TRHDE: variants seen among roughly 807,000 people sequenced by gnomAD.
TRHDE encodes thyrotropin releasing hormone degrading enzyme, also known as thyrotropin-releasing hormone-degrading ectoenzyme.
In TRHDE, 72 loss-of-function variants were observed where a neutral mutation model predicts 125.7. The observed-to-expected ratio is 0.57, with a 90% CI of 0.47 to 0.70. The LOEUF is 0.70. TRHDE is among the 30% of genes least tolerant of loss of function. The probability of loss-of-function intolerance (pLI) is 0.00; values close to 1 mark genes in which losing one functional copy is unlikely to be tolerated. For missense variants in TRHDE, 1,110 were observed against 1,327.1 expected, an observed-to-expected ratio of 0.84 and a Z score of 2.54; for synonymous variants, 509 against 509.1, an observed-to-expected ratio of 1.00 and a Z score of 0.00.
intron 12 of TRHDE, among the ~76,000 whole-genome samples, chr12:72,614,766 AT>A (rs1872754990): frequency 6.6e-6 from 1 of 152,086 alleles, no homozygotes; most frequent in South Asian, 2.1e-4. Context: ...TAAATAGGTT[AT>A]TTTTCTATAC....
At chr12:72,458,499 C>T (rs953633731) in intron 3 of TRHDE, among the ~76,000 whole-genome samples, 1 of 152,076 alleles carries the variant, frequency 6.6e-6, no homozygotes, top group Non-Finnish European at 1.5e-5. Flanking sequence ...TAGCCCTCTT[C>T]TCTACTCAGC....
At chr12:72,316,583 T>A (rs974303388) in intron 2 of TRHDE, among the ~76,000 whole-genome samples, 1 of 152,190 alleles carries the variant, frequency 6.6e-6, no homozygotes, top group Non-Finnish European at 1.5e-5. Context: ...CTGTCCTGCC[T>A]TTTACCCCAT....
chr12:72,371,462 A>G (rs1382655407), intron 2 of TRHDE, among the ~76,000 whole-genome samples: 3 of 151,652 alleles, frequency 2.0e-5, no homozygotes, highest in African/African-American at 4.9e-5. Flanking sequence ...ATATATGTAT[A>G]CATGTGCCAT....
chr12:72,624,259 T>A (rs535752593), intron 15 of TRHDE, among the ~76,000 whole-genome samples: 4 of 151,916 alleles, frequency 2.6e-5, no homozygotes, highest in East Asian at 1.9e-4. Context: ...TTTTTTTTTT[T>A]AAATGGCCCT....
chr12:72,357,137 T>A, intron 2 of TRHDE, among the ~76,000 whole-genome samples: 1 of 151,494 alleles, frequency 6.6e-6, no homozygotes, highest in East Asian at 1.9e-4. Flanking sequence ...TCAATTCTAT[T>A]CCTATCAAAC....
chr12:72,472,975 T>C, intron 4 of TRHDE, 92 bp from the exon 5 acceptor site: 3 of 993,532 alleles, frequency 3.0e-6, no homozygotes, highest in Non-Finnish European at 3.1e-6. Context: ...ATTCCAGTTA[T>C]AATAATCATA....
intron 2 of TRHDE, among the ~76,000 whole-genome samples, chr12:72,146,964 C>T (rs1034695498): frequency 1.3e-5 from 2 of 152,174 alleles, no homozygotes; most frequent in Admixed American, 6.5e-5. Context: ...CCCTGGAGTC[C>T]GGCCGCCTAG....
chr12:72,514,478 A>G (rs1242144063), intron 6 of TRHDE, among the ~76,000 whole-genome samples: 1 of 152,136 alleles, frequency 6.6e-6, no homozygotes, highest in Non-Finnish European at 1.5e-5. Flanking sequence ...ATCACAGATT[A>G]AAAAAGAGCT....
chr12:72,604,300 A>G (rs746042888), intron 12 of TRHDE, among the ~76,000 whole-genome samples: 1 of 152,146 alleles, frequency 6.6e-6, no homozygotes, highest in Non-Finnish European at 1.5e-5. Context: ...ATAATCAAGC[A>G]GCAGGTGTTA....
rs140436761 is a variant in TRHDE at position 72,528,201 on chromosome 12, G to A, written c.1723-14090G>A. Among the ~76,000 whole-genome samples, 12 of 152,144 alleles carry A rather than the reference G, an allele frequency of 7.9e-5. No homozygotes were observed. The East Asian group carries it at 1.7e-3, about 22-fold the overall frequency. Reference sequence around the variant, plus strand: ...TTCTGTTAAGTATTTTATTTGTGACGTTTTCTGGCACAATATTATGCAAGC... The same window carrying A: ...TTCTGTTAAGTATTTTATTTGTGACATTTTCTGGCACAATATTATGCAAGC... On this transcript the variant is annotated intron_variant, in intron 6 of 18. Transcript: ENST00000261180.
Position 72,562,858 on chromosome 12 carries a change from A to G in TRHDE, c.1860A>G (p.Leu620=). 9 of 1,558,864 alleles carry G rather than the reference A, an allele frequency of 5.8e-6. No homozygotes were observed. The highest frequency in any genetic ancestry group is 6.9e-6 in the Non-Finnish European group (8 of 1,157,324). Residue 620 remains leucine (L), a synonymous_variant, in exon 9 of 19, where the codon TTA becomes TTG. Coordinates refer to ENST00000261180, the MANE Select transcript of TRHDE (RefSeq NM_013381.3). ...GTACATTTTTCCTTGTGAAGGCTTT[A>G]AAAAGAAATGGGAAATATGTAAATA... is the stretch of plus-strand genomic sequence containing the variant. ...NDLWNTLSEA[L]KRNGKYVNIQ...
chr12:72,508,846 G>A (rs1017403321), intron 6 of TRHDE, among the ~76,000 whole-genome samples: 1 of 152,084 alleles, frequency 6.6e-6, no homozygotes, highest in African/African-American at 2.4e-5. Context: ...TAGTGAATGA[G>A]TTCTCATGAG....
chr12:72,111,913 A>T (rs1326465396), intron 2 of TRHDE, among the ~76,000 whole-genome samples: 2 of 152,136 alleles, frequency 1.3e-5, no homozygotes, highest in African/African-American at 4.8e-5. Flanking sequence ...ATTTTCAGCA[A>T]TCCCACTGGG....
At chr12:72,656,350 A>C (rs1265796362) in intron 17 of TRHDE, among the ~76,000 whole-genome samples, 2 of 152,184 alleles carry the variant, frequency 1.3e-5, no homozygotes, top group East Asian at 3.9e-4. Flanking sequence ...TCTAAGAATG[A>C]AATATAAAAA....
intron 12 of TRHDE, among the ~76,000 whole-genome samples, chr12:72,612,518 T>A (rs969645576): frequency 1.3e-5 from 2 of 152,190 alleles, no homozygotes; most frequent in African/African-American, 4.8e-5. Flanking sequence ...GGCTTTGAAT[T>A]CTAGCCCTGC....
At chr12:72,633,790 A>G (rs1361179471) in intron 15 of TRHDE, among the ~76,000 whole-genome samples, 1 of 152,168 alleles carries the variant, frequency 6.6e-6, no homozygotes, top group East Asian at 1.9e-4. Context: ...AGGTGGGATT[A>G]TAAAAGTGTA....
At chr12:72,155,831 C>T (rs1040911465) in intron 2 of TRHDE, among the ~76,000 whole-genome samples, 10 of 152,318 alleles carry the variant, frequency 6.6e-5, no homozygotes, top group African/African-American at 2.4e-4. Flanking sequence ...TTAGGCTACT[C>T]TGGGGTCAGG....
At chr12:72,629,413 T>C (rs1873386278) in intron 15 of TRHDE, among the ~76,000 whole-genome samples, 2 of 151,736 alleles carry the variant, frequency 1.3e-5, no homozygotes. Flanking sequence ...CTTATTGTGC[T>C]AGTATTGTTT....
In TRHDE at chr12:72,469,146, G is replaced by A. The variant is rs756356480; in HGVS notation, c.1316-612G>A. On this transcript the variant is annotated intron_variant, in intron 3 of 18. Coordinates refer to ENST00000261180, the MANE Select transcript of TRHDE (RefSeq NM_013381.3). ...AGAAATTAAGTGATTTACTAATGTC[G>A]CATAGCCAGTTGGTGACAGAGCCAG... 3.3e-5 allele frequency among the ~76,000 whole-genome samples: 5 copies of A among 152,236 alleles called. No homozygotes were observed. The East Asian group carries it at 5.8e-4, about 18-fold the overall frequency.
Sources: gnomAD v4.1 joint callset for allele counts (sites outside exome capture counted in the v4.1 genomes callset) on GRCh38, gnomAD v4.1.1 for gene constraint, MANE v1.5 for transcripts, NCBI Gene and HGNC (gene_info 2026-07-23, HGNC 2026-07-21) for gene names.